Variants in RAD51B observed in about 807,000 individuals in gnomAD.
The protein encoded by RAD51B is RAD51 paralog B, also known as DNA repair protein RAD51 homolog 2.
Under a neutral mutation model 42.2 loss-of-function variants are expected in RAD51B, and 38 were observed. The ratio of observed to expected loss-of-function variants is 0.90; its 90% confidence interval spans 0.70 to 1.18. The LOEUF is 1.18. Among genes scored for constraint, RAD51B ranks in the 50% most tolerant of loss-of-function variants. The pLI, the probability that RAD51B is intolerant of heterozygous loss-of-function variation, is 0.00. For missense variants in RAD51B, 373 were observed against 400.7 expected, an observed-to-expected ratio of 0.93 and a Z score of 0.59; for synonymous variants, 154 against 145.2, an observed-to-expected ratio of 1.06 and a Z score of -0.43.
chr14:68,303,355 G>A (rs1348968396), intron 8 of RAD51B, among the ~76,000 whole-genome samples: 1 of 151,524 alleles, frequency 6.6e-6, no homozygotes, highest in Non-Finnish European at 1.5e-5. Context: ...AATACCTAAT[G>A]TAGATGACAG....
chr14:67,842,085 C>T (rs1409313467), intron 4 of RAD51B, among the ~76,000 whole-genome samples: 2 of 152,106 alleles, frequency 1.3e-5, no homozygotes, highest in South Asian at 2.1e-4. Context: ...TGTAGTTCTC[C>T]TTCCAAAGAT....
chr14:68,078,260 T>C (rs1323831798), intron 7 of RAD51B, among the ~76,000 whole-genome samples: 1 of 152,230 alleles, frequency 6.6e-6, no homozygotes, highest in East Asian at 1.9e-4. Context: ...GTCATCCTTT[T>C]GCCTCAGCCT....
At chr14:68,334,440 A>G (rs183714519) in intron 8 of RAD51B, among the ~76,000 whole-genome samples, 139 of 152,326 alleles carry the variant, frequency 9.1e-4, no homozygotes, top group African/African-American at 3.2e-3. Flanking sequence ...CTACACATTG[A>G]GTAGGCTGAA....
At chr14:68,108,821 T>C (rs994629806) in intron 7 of RAD51B, among the ~76,000 whole-genome samples, 1 of 151,978 alleles carries the variant, frequency 6.6e-6, no homozygotes, top group African/African-American at 2.4e-5. Context: ...ACCTATTAAT[T>C]TGGCTTCGGT....
intron 7 of RAD51B, chr14:68,114,266 T>C (rs2077504676): frequency 6.6e-6 from 1 of 152,110 alleles, no homozygotes; most frequent in Non-Finnish European, 1.5e-5. Context: ...TGGTACTAGA[T>C]TATATATATT....
At chr14:68,339,437 CAG>C (rs1267293608) in intron 8 of RAD51B, 4 of 629,878 alleles carry the variant, frequency 6.4e-6, no homozygotes, top group East Asian at 5.5e-5. Context: ...TTTTCTCAAA[CAG>C]GGGATTCACC....
At chr14:67,897,983 G>A (rs933905754) in intron 7 of RAD51B, among the ~76,000 whole-genome samples, 2 of 152,088 alleles carry the variant, frequency 1.3e-5, no homozygotes, top group Non-Finnish European at 2.9e-5. Flanking sequence ...ATGTAAATTG[G>A]TGTAGCTACC....
At chr14:68,414,753 G>A (rs1566869582) in intron 9 of RAD51B, among the ~76,000 whole-genome samples, 1 of 151,304 alleles carries the variant, frequency 6.6e-6, no homozygotes, top group Non-Finnish European at 1.5e-5. Flanking sequence ...GGACGCAGTG[G>A]CTCATGCCTG....
At chr14:67,993,118 TTA>T (rs1334156635) in intron 7 of RAD51B, among the ~76,000 whole-genome samples, 2 of 152,166 alleles carry the variant, frequency 1.3e-5, no homozygotes, top group African/African-American at 4.8e-5. Flanking sequence ...TTCTGTATAT[TTA>T]TAGAGTACAT....
At chr14:68,570,449 G>A (rs1044623530) in intron 10 of RAD51B, among the ~76,000 whole-genome samples, 1 of 152,234 alleles carries the variant, frequency 6.6e-6, no homozygotes, top group Non-Finnish European at 1.5e-5. Flanking sequence ...GGCATCTGAA[G>A]GTCACTGTAG....
intron 7 of RAD51B, among the ~76,000 whole-genome samples, chr14:68,104,265 G>A (rs889518918): frequency 6.6e-6 from 1 of 152,090 alleles, no homozygotes; most frequent in Non-Finnish European, 1.5e-5. Context: ...TTATATAATA[G>A]ATAATAAAGA....
chr14:68,515,612 CTT>C, intron 10 of RAD51B, among the ~76,000 whole-genome samples: 1 of 141,476 alleles, frequency 7.1e-6, no homozygotes, highest in African/African-American at 2.6e-5. Flanking sequence ...CCATTCCTGG[CTT>C]TTTTTTTTTT....
intron 7 of RAD51B, among the ~76,000 whole-genome samples, chr14:67,949,863 G>C (rs2074409906): frequency 6.6e-6 from 1 of 152,144 alleles, no homozygotes. Flanking sequence ...GAGCTCTTGG[G>C]TGGCCAGGGG....
At chr14:68,414,237 C>T (rs746413720) in intron 9 of RAD51B, among the ~76,000 whole-genome samples, 15 of 152,196 alleles carry the variant, frequency 9.9e-5, no homozygotes, top group Non-Finnish European at 1.6e-4. Context: ...CTTATCAGGG[C>T]CACAAGCCAA....
chr14:68,017,271 C>CT (rs1357745215), intron 7 of RAD51B, among the ~76,000 whole-genome samples: 2 of 152,130 alleles, frequency 1.3e-5, no homozygotes, highest in African/African-American at 2.4e-5. Context: ...TCTCAGCTCA[C>CT]TGCATCCTCC....
At chr14:68,614,080 T>C (rs1180963023), downstream of RAD51B, among the ~76,000 whole-genome samples, 1 of 152,196 alleles carries the variant, frequency 6.6e-6, no homozygotes, top group East Asian at 1.9e-4. Flanking sequence ...AAAGAACTCA[T>C]ACTGCAGGAA....
intron 8 of RAD51B, among the ~76,000 whole-genome samples, chr14:68,405,829 CAA>C (rs10547910): frequency 0.054 from 3,845 of 71,440 alleles, 163 homozygotes; most frequent in African/African-American, 0.16. Flanking sequence ...AGTTTATCAC[CAA>C]AAAAAAAAAA....
chr14:68,370,530 G>A (rs1029198791), intron 8 of RAD51B, among the ~76,000 whole-genome samples: 5 of 152,268 alleles, frequency 3.3e-5, no homozygotes, highest in East Asian at 1.9e-4. Context: ...TGACAGTTTA[G>A]GAAGATTACT....
chr14:68,586,295 A>G (rs763953862), intron 10 of RAD51B, among the ~76,000 whole-genome samples: 1 of 151,956 alleles, frequency 6.6e-6, no homozygotes, highest in Non-Finnish European at 1.5e-5. Flanking sequence ...CATGGTGCAC[A>G]CTCAGCCTTG....
Sources: gnomAD v4.1 joint callset for allele counts (sites outside exome capture counted in the v4.1 genomes callset) on GRCh38, gnomAD v4.1.1 for gene constraint, MANE v1.5 for transcripts, NCBI Gene and HGNC (gene_info 2026-07-23, HGNC 2026-07-21) for gene names.